PACRG: variants seen among roughly 807,000 people sequenced by gnomAD.
The protein encoded by PACRG is parkin coregulated, also known as parkin coregulated gene protein.
PACRG carries 29 observed loss-of-function variants against 29.7 expected under a neutral mutation model. The observed-to-expected ratio is 0.98, with a 90% CI of 0.73 to 1.33. The LOEUF (loss-of-function observed/expected upper bound fraction) is 1.33, where lower values mean the gene tolerates loss of function less well. PACRG is among the 40% of genes most tolerant of loss of function. The pLI is 0.00. For synonymous variants in PACRG, 116 were observed against 118.7 expected (o/e 0.98, Z 0.15); for missense variants, 279 against 316.2 (o/e 0.88, Z 0.89).
intron 4 of PACRG, among the ~76,000 whole-genome samples, chr6:163,271,856 T>G (rs1409824782): frequency 2.0e-5 from 3 of 152,212 alleles, no homozygotes; most frequent in African/African-American, 7.2e-5. Context: ...AAAATTAACT[T>G]AAGTAGAATT....
upstream of PACRG, among the ~76,000 whole-genome samples, chr6:162,727,497 C>T (rs922924770): frequency 1.3e-5 from 2 of 151,538 alleles, no homozygotes; most frequent in Non-Finnish European, 2.9e-5. Flanking sequence ...GGACCCGCGT[C>T]GCTGAGCTGG....
chr6:163,212,483 A>G (rs1781185424), intron 4 of PACRG, among the ~76,000 whole-genome samples: 1 of 152,184 alleles, frequency 6.6e-6, no homozygotes, highest in South Asian at 2.1e-4. Context: ...AGCCATGTCA[A>G]AAAGAAAGAA....
rs578094177 is a variant in PACRG, at chr6:162,782,594, G to C, written c.157-31553G>C. On this transcript the variant is annotated intron_variant, in intron 1 of 4. Coordinates refer to ENST00000366888, the MANE Select transcript of PACRG (RefSeq NM_001080379.2). ...TAAACATCAAATGCTTTATTACAAAGTTAAAATAATTATAGAAATGATTAA... is the reference window on the plus strand; with the variant it reads ...TAAACATCAAATGCTTTATTACAAACTTAAAATAATTATAGAAATGATTAA... Among the ~76,000 whole-genome samples the C allele has an allele frequency of 7.2e-5, 11 of 151,812 alleles. No individual in the cohort carries two copies. The South Asian group carries it at 2.1e-3, about 29-fold the overall frequency.
In PACRG at chr6:163,115,522, T is replaced by C. The variant is rs577907937; in HGVS notation, c.613+26114T>C. ...ATGAATGAAGGGAATTAGTCTATAG[T>C]TCCCCCACGCCCCTACCCTAAGAGA... On this transcript the variant is annotated intron_variant, in intron 4 of 4. Transcript: ENST00000366888. Among the ~76,000 whole-genome samples, 61 of 152,262 alleles carry C rather than the reference T, an allele frequency of 4.0e-4. 1 individual carries two copies. The highest frequency in any genetic ancestry group is 3.4e-3 in the Middle Eastern group (1 of 294).
At chr6:163,268,403 GA>G (rs935718345) in intron 4 of PACRG, among the ~76,000 whole-genome samples, 35 of 85,828 alleles carry the variant, frequency 4.1e-4, no homozygotes, top group Admixed American at 7.0e-4. Flanking sequence ...CTGTCTCAAA[GA>G]AAAAAAAAAA....
chr6:163,301,806 A>G (rs1785013687), intron 4 of PACRG, among the ~76,000 whole-genome samples: 1 of 152,226 alleles, frequency 6.6e-6, no homozygotes, highest in Non-Finnish European at 1.5e-5. Flanking sequence ...AGCACGTTAA[A>G]TTAATATAAA....
At chr6:162,841,982 C>A (rs1316727885) in intron 2 of PACRG, among the ~76,000 whole-genome samples, 1 of 149,964 alleles carries the variant, frequency 6.7e-6, no homozygotes, top group African/African-American at 2.4e-5. Context: ...AATCTCTGTT[C>A]TTTTACATTT....
intron 1 of PACRG, among the ~76,000 whole-genome samples, chr6:162,760,187 A>G (rs751420831): frequency 6.6e-6 from 1 of 152,018 alleles, no homozygotes; most frequent in Non-Finnish European, 1.5e-5. Context: ...AGGCTACTCC[A>G]GTATGCTAAG....
rs144284177 is a variant in PACRG, at chr6:162,858,534, G to T, written c.291+44253G>T. Among the ~76,000 whole-genome samples, 4 of 152,322 alleles carry T rather than the reference G, an allele frequency of 2.6e-5. No individual in the cohort carries two copies. The East Asian group carries it at 7.7e-4, about 29-fold the overall frequency. On this transcript the variant is annotated intron_variant, in intron 2 of 4. Transcript: ENST00000366888. ...TTCCTTACCTATCACAAGGTTCGTG[G>T]CTGAGAACCTTAGAGCAAAGGACAG...
chr6:162,851,701 G>A (rs949124192), intron 2 of PACRG, among the ~76,000 whole-genome samples: 19 of 151,790 alleles, frequency 1.3e-4, no homozygotes, highest in African/African-American at 2.4e-5. Flanking sequence ...TCTCCTCTCA[G>A]AATGTTTTCC....
At chr6:163,059,569 A>C (rs1052295362) in intron 2 of PACRG, among the ~76,000 whole-genome samples, 6 of 152,200 alleles carry the variant, frequency 3.9e-5, no homozygotes, top group Non-Finnish European at 8.8e-5. Context: ...AGGAGGTTAT[A>C]ATAATGCTGA....
rs1001080259 is a variant in PACRG at position 163,005,878 on chromosome 6, TTA to T, written c.292-56263_292-56262del. 1.2e-4 allele frequency among the ~76,000 whole-genome samples: 18 copies of T among 148,008 alleles called. No individual in the cohort carries two copies. In the East Asian group the frequency reaches 2.2e-3, roughly 18 times the overall value. The stretch of plus-strand genomic sequence containing the variant: ...TATATATACAACATAGTTATACGTG[TTA>T]TATATATACAACGTAGTTATACGTG... On this transcript the variant is annotated intron_variant, in intron 2 of 4. Transcript: ENST00000366888.
chr6:162,914,117 A>T (rs1272481964), intron 2 of PACRG, among the ~76,000 whole-genome samples: 2 of 152,190 alleles, frequency 1.3e-5, no homozygotes, highest in South Asian at 2.1e-4. Context: ...TACTTTTGGT[A>T]TGCTAATCTA....
At chr6:162,821,539 G>GTAGT (rs1386829898) in intron 2 of PACRG, among the ~76,000 whole-genome samples, 1 of 152,162 alleles carries the variant, frequency 6.6e-6, no homozygotes, top group Non-Finnish European at 1.5e-5. Flanking sequence ...GTAGGTCTTG[G>GTAGT]TAGTGTTAAG....
chr6:163,122,973 C>G (rs1335426714), intron 4 of PACRG, among the ~76,000 whole-genome samples: 1 of 152,126 alleles, frequency 6.6e-6, no homozygotes, highest in Non-Finnish European at 1.5e-5. Context: ...TGTCTCATGC[C>G]AATGCTATTA....
intron 2 of PACRG, among the ~76,000 whole-genome samples, chr6:162,933,241 G>A (rs1797982446): frequency 6.6e-6 from 1 of 152,134 alleles, no homozygotes; most frequent in Non-Finnish European, 1.5e-5. Context: ...TTCTTGAAAT[G>A]TGTTGAGACT....
chr6:163,254,326 G>T (rs775270252), intron 4 of PACRG, among the ~76,000 whole-genome samples: 1 of 152,108 alleles, frequency 6.6e-6, no homozygotes, highest in African/African-American at 2.4e-5. Context: ...AGGGGGAGGA[G>T]GATGGGAGGG....
chr6:162,730,564 A>C (rs2128247375), intron 1 of PACRG, among the ~76,000 whole-genome samples: 1 of 152,312 alleles, frequency 6.6e-6, no homozygotes, highest in African/African-American at 2.4e-5. Flanking sequence ...CAAGTACATA[A>C]ACTTGATAAT....
intron 4 of PACRG, among the ~76,000 whole-genome samples, chr6:163,102,281 G>C (rs963073945): frequency 2.0e-5 from 3 of 152,218 alleles, no homozygotes; most frequent in Non-Finnish European, 2.9e-5. Flanking sequence ...GTTTGGAACA[G>C]TAAAATCCAG....
Sources: gnomAD v4.1 joint callset for allele counts (sites outside exome capture counted in the v4.1 genomes callset) on GRCh38, gnomAD v4.1.1 for gene constraint, MANE v1.5 for transcripts, NCBI Gene and HGNC (gene_info 2026-07-23, HGNC 2026-07-21) for gene names.